Variants in GRIN2D observed in about 807,000 individuals in gnomAD.
The protein encoded by GRIN2D is glutamate ionotropic receptor NMDA type subunit 2D.
In GRIN2D, 37 loss-of-function variants were observed where a neutral mutation model predicts 103.2. That is an observed-to-expected ratio of 0.36 (90% CI 0.28 to 0.47). GRIN2D has a LOEUF of 0.47. GRIN2D is among the 20% of genes least tolerant of loss of function. The probability of loss-of-function intolerance (pLI) is 1.00; values close to 1 mark genes in which losing one functional copy is unlikely to be tolerated. For synonymous variants in GRIN2D, 845 were observed against 885.6 expected, an observed-to-expected ratio of 0.95 and a Z score of 0.81; for missense variants, 1,557 against 1,910.6, an observed-to-expected ratio of 0.81 and a Z score of 3.45.
chr19:48,415,528 G>A (rs1389838142), intron 7 of GRIN2D, among the ~76,000 whole-genome samples: 1 of 149,930 alleles, frequency 6.7e-6, no homozygotes, highest in Admixed American at 6.7e-5. Flanking sequence ...TTTGGAGGAG[G>A]GACTTTGGAG....
chr19:48,415,021 A>G lies in GRIN2D; in HGVS notation c.1570A>G (p.Met524Val). The change falls in exon 7 of 14, where the codon ATG becomes GTG. Residue 524 changes from methionine to valine, a missense_variant. This residue lies in a region of GRIN2D where 197 missense variants were observed against 334.1 expected (regional missense o/e 0.59). Transcript: ENST00000263269. ...GKKIDGVWNG[M>V]IGEVFYQRAD... ...GAAGATCGATGGCGTCTGGAACGGC[A>G]TGATCGGGGAGGTGAGGGGGCGGAC... The G allele has an allele frequency of 6.3e-7, 1 of 1,591,166 alleles. No individual in the cohort carries two copies. Among genetic ancestry groups the G allele is most frequent in the South Asian group, 1.1e-5 (1 of 89,158 alleles).
At position 48,442,465 on chromosome 19, in the gene GRIN2D, G is replaced by A; in HGVS notation, c.2673+83G>A. On this transcript the variant is annotated intron_variant, in intron 13 of 13. Coordinates refer to ENST00000263269, the MANE Select transcript of GRIN2D (RefSeq NM_000836.4). The surrounding 1 kb of genome is among the most constrained non-coding windows in gnomAD (Gnocchi z 7.2). Reference sequence around the variant, plus strand: ...AAGCCGAGCAGAGACAAGGAGATGTGGGTCGAGATGTGGATAGTGGGGAAG... The same window carrying A: ...AAGCCGAGCAGAGACAAGGAGATGTAGGTCGAGATGTGGATAGTGGGGAAG... 1.3e-6 allele frequency: 2 copies of A among 1,537,542 alleles called. No homozygotes were observed. Among genetic ancestry groups the A allele is most frequent in the East Asian group, 4.5e-5 (2 of 43,976 alleles).
intron 11 of GRIN2D, among the ~76,000 whole-genome samples, chr19:48,432,386 C>T (rs1307806447): frequency 2.0e-5 from 3 of 151,908 alleles, no homozygotes; most frequent in South Asian, 2.1e-4. Context: ...GTCTTTCAAT[C>T]GTATTCTCAT....
At chr19:48,401,765 T>C (rs1970712875) in intron 3 of GRIN2D, among the ~76,000 whole-genome samples, 1 of 152,202 alleles carries the variant, frequency 6.6e-6, no homozygotes. Context: ...AAACAATCAC[T>C]CTGGCTGCTG....
chr19:48,397,781 C>T (rs569761800), intron 2 of GRIN2D, among the ~76,000 whole-genome samples: 1 of 151,938 alleles, frequency 6.6e-6, no homozygotes, highest in African/African-American at 2.4e-5. Context: ...CCCTGGGCCT[C>T]TCTCTGCTCC....
Position 48,398,725 on chromosome 19 carries a change from C to G in GRIN2D, c.333C>G (p.Arg111=). Reference sequence around the variant, plus strand: ...TCTGCGACCTGCTGTCGGGGTTGCGCGTGCACGGCGTGGTCTTCGAAGACG... The same window carrying G: ...TCTGCGACCTGCTGTCGGGGTTGCGGGTGCACGGCGTGGTCTTCGAAGACG... The part of the protein sequence containing the change: ...LQLCDLLSGL[R]VHGVVFEDDS... The change falls in exon 3 of 14, where the codon CGC becomes CGG. Residue 111 remains arginine (R), a synonymous_variant. Coordinates refer to ENST00000263269, the MANE Select transcript of GRIN2D (RefSeq NM_000836.4). 1 of 1,466,704 alleles carries G rather than the reference C, an allele frequency of 6.8e-7. No individual in the cohort carries two copies. Among genetic ancestry groups the G allele is most frequent in the South Asian group, 1.3e-5 (1 of 77,312 alleles). 90.9% of individuals were successfully genotyped at this position (1,466,704 alleles called of 1,614,324 possible).
Position 48,404,967 on chromosome 19 carries a change from T to A in GRIN2D, c.699T>A (p.Ser233Arg), listed in dbSNP as rs777012990. 3.7e-6 allele frequency: 6 copies of A among 1,612,408 alleles called. No individual in the cohort carries two copies. The part of the protein sequence containing the change: ...LDPGAGEAVL[S>R]AQLRSVSAQI... ...CTGGGGCGGGCGAGGCCGTGCTCAG[T>A]GCCCAGCTCCGCAGTGTCAGCGCGC... The change falls in exon 4 of 14, where the codon AGT becomes AGA. Residue 233 changes from serine to arginine, a missense_variant. Physicochemically the swap from Ser to Arg is moderately radical, Grantham distance 110. This residue lies in a region of GRIN2D where 490 missense variants were observed against 601.1 expected (regional missense o/e 0.82). Transcript: ENST00000263269.
Position 48,398,416 on chromosome 19 carries a change from C to A in GRIN2D, c.24C>A (p.Arg8=). MRGAGGP[R]GPRGPAKMLL... is the part of the protein sequence containing the mutation. ...CGATGCGCGGCGCCGGTGGCCCCCGCGGCCCTCGGGGCCCCGCTAAGATGC... is the reference window on the plus strand; with the variant it reads ...CGATGCGCGGCGCCGGTGGCCCCCGAGGCCCTCGGGGCCCCGCTAAGATGC... The change falls in exon 3 of 14, where the codon CGC becomes CGA. Residue 8 remains arginine, a synonymous_variant. Transcript: ENST00000263269. 2 of 1,117,552 alleles carry A rather than the reference C, an allele frequency of 1.8e-6. No individual in the cohort carries two copies. Among genetic ancestry groups the A allele is most frequent in the African/African-American group, 3.3e-5 (2 of 60,270 alleles). 69.2% of individuals were successfully genotyped at this position (1,117,552 alleles called of 1,614,324 possible). A position where few individuals can be genotyped will look rare whatever the true frequency, so the allele number is the denominator to read the frequency against.
chr19:48,415,207 C>T (rs1970929924), intron 7 of GRIN2D, among the ~76,000 whole-genome samples, 175 bp downstream of exon 7: 1 of 151,826 alleles, frequency 6.6e-6, no homozygotes, highest in South Asian at 2.1e-4. Context: ...CCCGTCTCTA[C>T]TAAAATGCAA....
At chr19:48,424,886 T>A (rs192248475) in intron 11 of GRIN2D, among the ~76,000 whole-genome samples, 553 of 152,280 alleles carry the variant, frequency 3.6e-3, no homozygotes, top group Middle Eastern at 0.017. Context: ...ACCCTGGGAC[T>A]TTTTCACTTC....
chr19:48,398,908 C>T, intron 3 of GRIN2D, 51 bp downstream of exon 3: 1 of 975,600 alleles, frequency 1.0e-6, no homozygotes, highest in Non-Finnish European at 1.2e-6. Flanking sequence ...GGGACAGCCG[C>T]TGAGGGGCGG....
chr19:48,411,557 G>C (rs944146160), intron 4 of GRIN2D, among the ~76,000 whole-genome samples: 6 of 152,042 alleles, frequency 3.9e-5, no homozygotes, highest in Non-Finnish European at 5.9e-5. Context: ...GCTGAGGCAG[G>C]AGAATCGCTT....
At position 48,405,328 on chromosome 19, in the gene GRIN2D, A is replaced by T; in HGVS notation, c.1060A>T (p.Thr354Ser). The change falls in exon 4 of 14, where the codon ACC becomes TCC. Residue 354 changes from threonine (T) to serine (S), a missense_variant. Around this residue, in one of 7 missense-constraint regions of GRIN2D, gnomAD observed 490 missense variants for 601.1 expected, o/e 0.82. Transcript: ENST00000263269. The surrounding 1 kb of genome is among the most constrained non-coding windows in gnomAD (Gnocchi z 5.1). The stretch of plus-strand genomic sequence containing the variant: ...CCACGACTGTCGCGCCCAGAACCGC[A>T]CCCACCGCGGCGAGAGTCTGCATAG... The part of the protein sequence containing the change: ...LGHDCRAQNR[T>S]HRGESLHRYF... The T allele has an allele frequency of 6.3e-7, 1 of 1,593,778 alleles. No individual in the cohort carries two copies. Among genetic ancestry groups the T allele is most frequent in the Non-Finnish European group, 8.5e-7 (1 of 1,171,280 alleles).
chr19:48,405,350 A>G lies in GRIN2D; in HGVS notation c.1082A>G (p.His361Arg), dbSNP rs1209990498. 1.3e-6 allele frequency: 2 copies of G among 1,571,954 alleles called. No homozygotes were observed. The highest frequency in any genetic ancestry group is 1.7e-4 in the Middle Eastern group (1 of 5,850). Residue 361 changes from histidine (H) to arginine (R), a missense_variant, in exon 4 of 14, where the codon CAT (histidine) becomes CGT (arginine). His to Arg is a conservative substitution (Grantham distance 29). Around this residue, in one of 7 missense-constraint regions of GRIN2D, gnomAD observed 490 missense variants for 601.1 expected, o/e 0.82. Coordinates refer to ENST00000263269, the MANE Select transcript of GRIN2D (RefSeq NM_000836.4). This position sits in a 1 kb window ranked among gnomAD's most constrained non-coding sequence, Gnocchi z 5.1. Reference protein sequence around the residue: ...QNRTHRGESLHRYFMNITWDN... With the variant: ...QNRTHRGESLRRYFMNITWDN... ...CGCACCCACCGCGGCGAGAGTCTGC[A>G]TAGGTGAGTGGGGCTGGAATGGGAG...
chr19:48,420,687 G>A lies in GRIN2D; in HGVS notation c.2091+873G>A, dbSNP rs192822898. ...ATAAAAATACAAAAATTAGCCAGGC[G>A]TGGTAGTGGGTGCCTGTAGTCCCAG... On this transcript the variant is annotated intron_variant, in intron 10 of 13. Transcript: ENST00000263269. Among the ~76,000 whole-genome samples, 158 of 152,032 alleles carry A rather than the reference G, an allele frequency of 1.0e-3. 2 individuals are homozygous for A. In the East Asian group the frequency reaches 0.024, roughly 23 times the overall value.
chr19:48,410,723 G>A (rs1022108199), intron 4 of GRIN2D, among the ~76,000 whole-genome samples: 1 of 151,946 alleles, frequency 6.6e-6, no homozygotes, highest in Non-Finnish European at 1.5e-5. Context: ...GACTGGAGTA[G>A]AGAGATTGGA....
rs745843807 is a variant in GRIN2D at position 48,441,755 on chromosome 19, C to T, written c.2253-14C>T. 12 of 1,602,188 alleles carry T rather than the reference C, an allele frequency of 7.5e-6. No individual in the cohort carries two copies. The highest frequency in any genetic ancestry group is 6.7e-5 in the Admixed American group (4 of 59,520). ...GGTGGGACTGACCCTACCCTCCATT[C>T]CCCCTCCCCCCAGGAAGCTGGACGC... is the stretch of plus-strand genomic sequence containing the variant. On this transcript the variant is annotated splice_polypyrimidine_tract_variant and intron_variant, in intron 11 of 13. Transcript: ENST00000263269.
chr19:48,417,480 A>C, intron 8 of GRIN2D, among the ~76,000 whole-genome samples: 1 of 152,210 alleles, frequency 6.6e-6, no homozygotes, highest in African/African-American at 2.4e-5. Flanking sequence ...AGTGCTTGTC[A>C]GTTCCCACTT....
chr19:48,443,198 C>T lies in GRIN2D; in HGVS notation c.3272C>T (p.Ala1091Val). The change falls in exon 14 of 14, where the codon GCC becomes GTC. Residue 1091 changes from alanine to valine, a missense_variant. Ala to Val is a moderately conservative substitution (Grantham distance 64, BLOSUM62 0). Around this residue, in one of 7 missense-constraint regions of GRIN2D, gnomAD observed 632 missense variants for 572.8 expected, o/e 1.10. Transcript: ENST00000263269. This position sits in a 1 kb window ranked among gnomAD's most constrained non-coding sequence, Gnocchi z 8.9. The part of the protein sequence containing the change: ...GTGGAGGGAP[A>V]APPPCRAAPP... ...GGGGGCGCAGGCGGAGGAGCCCCGG[C>T]CGCTCCGCCCCCGTGCCGCGCCGCG... The T allele has an allele frequency of 8.4e-7, 1 of 1,189,340 alleles. No individual in the cohort carries two copies. Among genetic ancestry groups the T allele is most frequent in the Non-Finnish European group, 1.1e-6 (1 of 950,574 alleles). The allele number at this position is 1,189,340 out of a possible 1,614,324, so 73.7% of individuals were successfully genotyped here. A position where few individuals can be genotyped will look rare whatever the true frequency, so the allele number is the denominator to read the frequency against.
Sources: gnomAD v4.1 joint callset for allele counts (sites outside exome capture counted in the v4.1 genomes callset) on GRCh38, gnomAD v4.1.1 for gene constraint, gnomAD v4.1.1 regional missense constraint, Gnocchi (gnomAD v3.1) non-coding constraint, MANE v1.5 for transcripts, NCBI Gene and HGNC (gene_info 2026-07-23, HGNC 2026-07-21) for gene names.